The following CNTN5 variants were observed in gnomAD, a reference collection of about 807,000 sequenced individuals.
CNTN5 encodes the protein contactin 5.
CNTN5 carries 77 observed loss-of-function variants against 129.1 expected under a neutral mutation model. That is an observed-to-expected ratio of 0.60 (90% CI 0.50 to 0.72). CNTN5 has a LOEUF of 0.72. CNTN5 is among the 30% of genes least tolerant of loss of function. The pLI, the probability that CNTN5 is intolerant of heterozygous loss-of-function variation, is 0.00. For missense variants in CNTN5, 1,478 were observed against 1,328.8 expected, an observed-to-expected ratio of 1.11 and a Z score of -1.75; for synonymous variants, 509 against 465.6, an observed-to-expected ratio of 1.09 and a Z score of -1.20.
At chr11:99,104,050 A>G (rs146821877) in intron 1 of CNTN5, among the ~76,000 whole-genome samples, 3 of 152,328 alleles carry the variant, frequency 2.0e-5, no homozygotes, top group African/African-American at 7.2e-5. Flanking sequence ...TAGGAAGCTG[A>G]TATATGTAGT....
chr11:99,839,175 G>C (rs527357345), intron 4 of CNTN5, among the ~76,000 whole-genome samples: 1 of 152,116 alleles, frequency 6.6e-6, no homozygotes, highest in African/African-American at 2.4e-5. Flanking sequence ...AGGAAAAAAG[G>C]CTTGAAAATA....
chr11:99,639,135 C>T (rs1263637779), intron 3 of CNTN5, among the ~76,000 whole-genome samples: 5 of 152,196 alleles, frequency 3.3e-5, no homozygotes, highest in African/African-American at 1.2e-4. Context: ...GGCTCAAGAC[C>T]ACGTGGACAC....
intron 23 of CNTN5, among the ~76,000 whole-genome samples, chr11:100,342,798 A>AT (rs1347165750): frequency 4.6e-5 from 7 of 152,090 alleles, no homozygotes; most frequent in Non-Finnish European, 7.4e-5. Flanking sequence ...TCAAATATGT[A>AT]TTTTTTTCTA....
chr11:100,004,394 C>A (rs1268501472), intron 9 of CNTN5, among the ~76,000 whole-genome samples: 1 of 152,104 alleles, frequency 6.6e-6, no homozygotes, highest in Non-Finnish European at 1.5e-5. Context: ...CATCCTCTGG[C>A]CTCAATTTCA....
At chr11:100,126,818 T>C (rs916906541) in intron 13 of CNTN5, among the ~76,000 whole-genome samples, 1 of 152,126 alleles carries the variant, frequency 6.6e-6, no homozygotes, top group Non-Finnish European at 1.5e-5. Context: ...TTAATCTTAT[T>C]GTGAAGTCAT....
intron 1 of CNTN5, among the ~76,000 whole-genome samples, chr11:99,129,263 A>T (rs1277281741): frequency 1.3e-5 from 2 of 152,208 alleles, no homozygotes; most frequent in African/African-American, 4.8e-5. Context: ...AACATAAATG[A>T]CCTGATGGAG....
intron 16 of CNTN5, 124 bp downstream of exon 16, chr11:100,224,936 G>T: frequency 1.0e-6 from 1 of 963,502 alleles, no homozygotes; most frequent in East Asian, 2.7e-5. Context: ...TACAATATAT[G>T]TTATTTTCGC....
chr11:99,588,304 A>C (rs2135655520), intron 3 of CNTN5, among the ~76,000 whole-genome samples: 1 of 141,072 alleles, frequency 7.1e-6, no homozygotes, highest in South Asian at 2.4e-4. Flanking sequence ...AGATAGCGCC[A>C]CTGCACTCCA....
intron 15 of CNTN5, among the ~76,000 whole-genome samples, chr11:100,220,279 T>G (rs1949235831): frequency 6.7e-6 from 1 of 149,676 alleles, no homozygotes; most frequent in Admixed American, 6.6e-5. Context: ...TCTGTCTCAA[T>G]TAAAAAAAAA....
At chr11:99,309,883 A>G (rs905486051) in intron 1 of CNTN5, among the ~76,000 whole-genome samples, 3 of 152,222 alleles carry the variant, frequency 2.0e-5, no homozygotes. Context: ...AGGCAAACAA[A>G]AGAGATTATA....
intron 1 of CNTN5, among the ~76,000 whole-genome samples, chr11:99,069,937 T>G (rs1425322981): frequency 4.6e-5 from 7 of 152,168 alleles, no homozygotes; most frequent in Non-Finnish European, 1.0e-4. Context: ...AAGGATTTAA[T>G]TAGCCATTTA....
chr11:99,421,662 C>G (rs777562555), intron 2 of CNTN5, among the ~76,000 whole-genome samples: 22 of 152,046 alleles, frequency 1.4e-4, no homozygotes, highest in Non-Finnish European at 2.5e-4. Context: ...TTGCATGTTT[C>G]AAAATATTAT....
chr11:99,768,373 T>C (rs1173111751), intron 3 of CNTN5, among the ~76,000 whole-genome samples: 1 of 152,124 alleles, frequency 6.6e-6, no homozygotes, highest in Admixed American at 6.6e-5. Context: ...CTATATCTCC[T>C]ACATGATCAC....
intron 3 of CNTN5, among the ~76,000 whole-genome samples, chr11:99,714,249 G>A (rs756248566): frequency 5.9e-5 from 9 of 151,804 alleles, no homozygotes; most frequent in Non-Finnish European, 8.8e-5. Flanking sequence ...AAGTGGAAGC[G>A]TTATATTTCA....
At chr11:99,400,358 G>A (rs745794958) in intron 2 of CNTN5, among the ~76,000 whole-genome samples, 10 of 152,088 alleles carry the variant, frequency 6.6e-5, no homozygotes, top group African/African-American at 9.7e-5. Flanking sequence ...ATGGACTGAA[G>A]GGTGAGTTCT....
chr11:100,190,223 C>T (rs749390342), intron 13 of CNTN5, among the ~76,000 whole-genome samples: 6 of 152,054 alleles, frequency 3.9e-5, no homozygotes, highest in Non-Finnish European at 8.8e-5. Flanking sequence ...TTCACAGGGG[C>T]TACTGGTTCT....
In CNTN5 at chr11:99,207,085, C is replaced by G. The variant is rs183263481; in HGVS notation, c.-209-118261C>G. On this transcript the variant is annotated intron_variant, in intron 1 of 24. Coordinates refer to ENST00000524871, the MANE Select transcript of CNTN5 (RefSeq NM_014361.4). Reference sequence around the variant, plus strand: ...GTATTATTACAGCTCTTACTGTATTCTAATTATTTTTATTTGCTCTTCGAA... The same window carrying G: ...GTATTATTACAGCTCTTACTGTATTGTAATTATTTTTATTTGCTCTTCGAA... Among the ~76,000 whole-genome samples the G allele has an allele frequency of 1.3e-4, 20 of 152,040 alleles. No individual in the cohort carries two copies. In the East Asian group the frequency reaches 3.9e-3, roughly 29 times the overall value.
intron 13 of CNTN5, among the ~76,000 whole-genome samples, chr11:100,134,404 C>T (rs1946464191): frequency 6.6e-6 from 1 of 152,048 alleles, no homozygotes; most frequent in South Asian, 2.1e-4. Flanking sequence ...CTTTTCTAAA[C>T]CTCAGTGTCA....
At chr11:99,190,970 G>T (rs1396507806) in intron 1 of CNTN5, among the ~76,000 whole-genome samples, 1 of 151,572 alleles carries the variant, frequency 6.6e-6, no homozygotes, top group African/African-American at 2.4e-5. Context: ...AAGGATGTTA[G>T]CTGTGTTTAC....
Sources: gnomAD v4.1 joint callset for allele counts (sites outside exome capture counted in the v4.1 genomes callset) on GRCh38, gnomAD v4.1.1 for gene constraint, MANE v1.5 for transcripts, NCBI Gene and HGNC (gene_info 2026-07-23, HGNC 2026-07-21) for gene names.